SLF1: variants seen among roughly 807,000 people sequenced by gnomAD.
The protein encoded by SLF1 is SMC5-SMC6 complex localization factor protein 1.
SLF1 carries 105 observed loss-of-function variants against 123.0 expected under a neutral mutation model. That is an observed-to-expected ratio of 0.85 (90% CI 0.73 to 1.00). SLF1 has a LOEUF of 1.00. Among genes scored for constraint, SLF1 ranks in the 50% least tolerant of loss-of-function variants. The pLI is 0.00. For synonymous variants in SLF1, 434 were observed against 406.6 expected (o/e 1.07, Z -0.81); for missense variants, 1,239 against 1,223.0 (o/e 1.01, Z -0.20).
At position 94,695,227 on chromosome 5, in the gene SLF1, A is replaced by G. The variant is rs762951802; in HGVS notation, c.3092A>G (p.Asn1031Ser). Reference sequence around the variant, plus strand: ...CACATTCTTAAGGAACTGCCTGAGAATTTGAAAGTGTGTCCTGGGGTACAC... The same window carrying G: ...CACATTCTTAAGGAACTGCCTGAGAGTTTGAAAGTGTGTCCTGGGGTACAC... ...LPHILKELPENLKVCPGVHTE... is the reference protein window; with the variant it reads ...LPHILKELPESLKVCPGVHTE... Residue 1031 changes from asparagine (N) to serine (S), a missense_variant, in exon 21 of 21, where the codon AAT (asparagine) becomes AGT (serine). By Grantham distance (46) the Asn-to-Ser change is conservative (BLOSUM62 1). Transcript: ENST00000265140. 1.2e-6 allele frequency: 2 copies of G among 1,612,490 alleles called. No homozygotes were observed. The highest frequency in any genetic ancestry group is 1.7e-6 in the Non-Finnish European group (2 of 1,178,920).
intron 20 of SLF1, among the ~76,000 whole-genome samples, chr5:94,693,846 C>T (rs72773564): frequency 0.015 from 2,257 of 149,194 alleles, 25 homozygotes; most frequent in Middle Eastern, 0.044. Context: ...TTAGAATTAT[C>T]TTCTTTCCAT....
chr5:94,630,724 C>T lies in SLF1; in HGVS notation c.412C>T (p.Arg138Ter), dbSNP rs753259244. The change falls in exon 4 of 21, where the codon CGA (arginine) becomes TGA (stop). Residue 138 changes from arginine to a stop codon, truncating the protein, a stop_gained. Transcript: ENST00000265140. LOFTEE classifies it high-confidence loss of function. ...TGTCCTCCTTGTTAGAACTGATAAG[C>T]GAAGTGATTCTCTTATAAGGTAGGA... is the stretch of plus-strand genomic sequence containing the variant. ...KVVLLVRTDK[R>*]SDSLIRVLEA... is the part of the protein sequence containing the mutation. The T allele has an allele frequency of 8.4e-6, 13 of 1,551,098 alleles. No individual in the cohort carries two copies. The highest frequency in any genetic ancestry group is 1.7e-4 in the Middle Eastern group (1 of 6,014).
chr5:94,663,556 A>G (rs914400057), intron 10 of SLF1, among the ~76,000 whole-genome samples, 194 bp from the exon 11 acceptor site: 1 of 152,246 alleles, frequency 6.6e-6, no homozygotes, highest in Non-Finnish European at 1.5e-5. Flanking sequence ...AGGCAGGAGA[A>G]TCACTTGAAC....
intron 1 of SLF1, among the ~76,000 whole-genome samples, chr5:94,624,128 G>A (rs1364368266): frequency 2.0e-5 from 3 of 152,128 alleles, no homozygotes; most frequent in Admixed American, 1.3e-4. Flanking sequence ...TGATAAATTT[G>A]TGACTAGAAT....
At position 94,630,658 on chromosome 5, in the gene SLF1, A is replaced by C. The variant is rs1406278780; in HGVS notation, c.346A>C (p.Lys116Gln). 1.3e-6 allele frequency: 2 copies of C among 1,551,724 alleles called. No individual in the cohort carries two copies. Among genetic ancestry groups the C allele is most frequent in the East Asian group, 4.9e-5 (2 of 40,910 alleles). ...ACCTAAAAGATGGCGTGAAGAACTG[A>C]AACGCACTGGTGCTCCAGGAGCCTT... ...SAPKRWREEL[K>Q]RTGAPGAFHR... The change falls in exon 4 of 21, where the codon AAA becomes CAA. Residue 116 changes from lysine to glutamine, a missense_variant. Coordinates refer to ENST00000265140, the MANE Select transcript of SLF1 (RefSeq NM_032290.4).
intron 3 of SLF1, 42 bp downstream of exon 3, chr5:94,629,209 G>A (rs1270091160): frequency 3.5e-6 from 5 of 1,434,200 alleles, no homozygotes; most frequent in East Asian, 2.5e-5. Context: ...AACAATCTTC[G>A]TGTTAAAGCA....
intron 16 of SLF1, among the ~76,000 whole-genome samples, chr5:94,688,022 C>A (rs72773560): frequency 0.024 from 3,199 of 131,362 alleles, 123 homozygotes; most frequent in East Asian, 0.23. Context: ...ATATTAATAT[C>A]TATCTTTAGA....
rs753710759 is a variant in SLF1 at position 94,695,003 on chromosome 5, C to T, written c.2868C>T (p.Ser956=). The T allele has an allele frequency of 1.2e-6, 2 of 1,612,428 alleles. No homozygotes were observed. Among genetic ancestry groups the T allele is most frequent in the South Asian group, 1.1e-5 (1 of 90,952 alleles). Residue 956 remains serine (S), a synonymous_variant, in exon 21 of 21, where the codon TCC becomes TCT. Coordinates refer to ENST00000265140, the MANE Select transcript of SLF1 (RefSeq NM_032290.4). ...HFHYQQLEFG[S]FLLSRMLLNF... ...ATTACCAGCAACTTGAATTTGGCTCCTTTTTACTTAGTAGGATGTTGCTAA... is the reference window on the plus strand; with the variant it reads ...ATTACCAGCAACTTGAATTTGGCTCTTTTTTACTTAGTAGGATGTTGCTAA...
intron 5 of SLF1, among the ~76,000 whole-genome samples, chr5:94,643,795 T>C (rs572995310): frequency 1.3e-5 from 2 of 152,282 alleles, no homozygotes; most frequent in South Asian, 4.1e-4. Context: ...CCTATTCCCC[T>C]ACATCCTCCT....
chr5:94,670,318 T>C (rs7709494), intron 13 of SLF1, 39 bp downstream of exon 13: 728,812 of 1,393,428 alleles, frequency 0.52, 193,018 homozygotes, highest in African/African-American at 0.65. Flanking sequence ...TTCTAAATTT[T>C]GGTTGTTTTT....
At chr5:94,651,149 G>A (rs931495198) in intron 6 of SLF1, among the ~76,000 whole-genome samples, 2 of 152,072 alleles carry the variant, frequency 1.3e-5, no homozygotes, top group African/African-American at 4.8e-5. Context: ...ATTTAATACT[G>A]TAACATGTCA....
rs572661588 is a variant in SLF1, at chr5:94,684,502, T to G, written c.1976-2071T>G. Among the ~76,000 whole-genome samples the G allele has an allele frequency of 2.0e-5, 3 of 151,984 alleles. No homozygotes were observed. The South Asian group carries it at 6.2e-4, about 32-fold the overall frequency. ...TCACAAGGTCAGGAGATTGAGACCA[T>G]CCTGGCTAACACGGTGAAACCCTGT... On this transcript the variant is annotated intron_variant, in intron 15 of 20. Coordinates refer to ENST00000265140, the MANE Select transcript of SLF1 (RefSeq NM_032290.4).
At position 94,670,842 on chromosome 5, in the gene SLF1, G is replaced by A. The variant is rs1750358029; in HGVS notation, c.1662-1G>A. 6.5e-7 allele frequency: 1 copy of A among 1,545,092 alleles called. No individual in the cohort carries two copies. The highest frequency in any genetic ancestry group is 1.2e-5 in the South Asian group (1 of 83,282). ...ATACTTTTTGTTTATATTTTAATTA[G>A]GTTGTATGACTGGTCAGATTCTCAG... On this transcript the variant is annotated splice_acceptor_variant, in intron 13 of 20. Transcript: ENST00000265140. LOFTEE classifies it high-confidence loss of function.
intron 4 of SLF1, among the ~76,000 whole-genome samples, chr5:94,638,419 C>A (rs577490283): frequency 6.6e-6 from 1 of 152,254 alleles, no homozygotes; most frequent in African/African-American, 2.4e-5. Flanking sequence ...ACCTCGTGAT[C>A]TGCCCGCCTC....
chr5:94,651,185 A>G (rs1040719412), intron 6 of SLF1, among the ~76,000 whole-genome samples: 1 of 152,232 alleles, frequency 6.6e-6, no homozygotes, highest in African/African-American at 2.4e-5. Flanking sequence ...TAGGAGCGAT[A>G]GACCATACCA....
At chr5:94,679,030 A>G in intron 15 of SLF1, 75 bp downstream of exon 15, 2 of 1,514,906 alleles carry the variant, frequency 1.3e-6, no homozygotes, top group South Asian at 1.2e-5. Context: ...AGCAGTCTGT[A>G]AGCTTTAACA....
rs1323322615 is a variant in SLF1 at position 94,670,871 on chromosome 5, C to G, written c.1690C>G (p.Leu564Val). 1 of 1,549,610 alleles carries G rather than the reference C, an allele frequency of 6.5e-7. No homozygotes were observed. ...KLYDWSDSQNLKITGKAMLLE... is the reference protein window; with the variant it reads ...KLYDWSDSQNVKITGKAMLLE... The stretch of plus-strand genomic sequence containing the variant: ...GTATGACTGGTCAGATTCTCAGAAT[C>G]TGAAAATAACAGGAAAGGCAATGCT... Residue 564 changes from leucine to valine, a missense_variant, in exon 14 of 21, where the codon CTG becomes GTG. Physicochemically the swap from Leu to Val is conservative, Grantham distance 32 (BLOSUM62 1). Transcript: ENST00000265140.
At chr5:94,629,217 G>A (rs750188479) in intron 3 of SLF1, 50 bp downstream of exon 3, 175 of 1,389,290 alleles carry the variant, frequency 1.3e-4, no homozygotes, top group Middle Eastern at 1.1e-3. Context: ...TCGTGTTAAA[G>A]CAAAAGTATT....
Position 94,663,806 on chromosome 5 carries a change from A to G in SLF1, c.1266A>G (p.Glu422=), listed in dbSNP as rs1181306284. The change falls in exon 11 of 21, where the codon GAA becomes GAG. Residue 422 remains glutamate, a synonymous_variant. Transcript: ENST00000265140. ...TAAATTTAATTGAAAGCCTCATAGA[A>G]GGACATTTTTTTAAAGAAGCAATTG... ...GVLNLIESLI[E]GHFFKEAIEE... is the part of the protein sequence containing the mutation. 10 of 1,550,668 alleles carry G rather than the reference A, an allele frequency of 6.4e-6. No homozygotes were observed. The highest frequency in any genetic ancestry group is 7.0e-6 in the Non-Finnish European group (8 of 1,146,506).
Sources: gnomAD v4.1 joint callset for allele counts (sites outside exome capture counted in the v4.1 genomes callset) on GRCh38, gnomAD v4.1.1 for gene constraint, MANE v1.5 for transcripts, NCBI Gene and HGNC (gene_info 2026-07-23, HGNC 2026-07-21) for gene names.